NF1: variants seen among roughly 807,000 people sequenced by gnomAD.
NF1 encodes the protein neurofibromin.
In NF1, 122 loss-of-function variants were observed where a neutral mutation model predicts 325.7. The ratio of observed to expected loss-of-function variants is 0.37; its 90% CI spans 0.32 to 0.44. NF1 has a LOEUF of 0.44. Ranked by LOEUF, NF1 falls within the 20% of genes least tolerant of loss-of-function variation. NF1 has a pLI of 1.00. For missense variants in NF1, 2,140 were observed against 3,415.4 expected (o/e 0.63, Z 9.31); for synonymous variants, 1,091 against 1,186.0 (o/e 0.92, Z 1.65).
At chr17:31,309,071 C>T (rs920485203) in intron 36 of NF1, among the ~76,000 whole-genome samples, 53 of 152,292 alleles carry the variant, frequency 3.5e-4, no homozygotes, top group African/African-American at 1.2e-3. Flanking sequence ...CCCTTATTTA[C>T]AGATAAAGAG....
intron 1 of NF1, among the ~76,000 whole-genome samples, chr17:31,154,461 A>G (rs1253951611): frequency 6.6e-6 from 1 of 152,156 alleles, no homozygotes; most frequent in African/African-American, 2.4e-5. Flanking sequence ...CACAAAGAAT[A>G]GGAGATGTTT....
At chr17:31,149,546 A>G (rs1331556562) in intron 1 of NF1, among the ~76,000 whole-genome samples, 1 of 152,036 alleles carries the variant, frequency 6.6e-6, no homozygotes, top group African/African-American at 2.4e-5. Context: ...CTCAGCATAT[A>G]TTTTTGTATT....
intron 24 of NF1, among the ~76,000 whole-genome samples, chr17:31,231,518 TA>T (rs2067112236): frequency 1.3e-5 from 2 of 152,136 alleles, no homozygotes; most frequent in East Asian, 3.8e-4. Flanking sequence ...CCATGAACAC[TA>T]AAATCCACAG....
At chr17:31,257,177 C>T (rs17881383) in intron 31 of NF1, among the ~76,000 whole-genome samples, 1 of 151,992 alleles carries the variant, frequency 6.6e-6, no homozygotes, top group African/African-American at 2.4e-5. Context: ...AAAATAGCTA[C>T]GTGATATTCC....
At chr17:31,273,757 A>G (rs2067948996) in intron 36 of NF1, 1 of 152,230 alleles carries the variant, frequency 6.6e-6, no homozygotes, top group African/African-American at 2.4e-5. Flanking sequence ...ACAACTACAT[A>G]TAAACAGATA....
chr17:31,196,733 T>C (rs1324635563), intron 8 of NF1, among the ~76,000 whole-genome samples: 1 of 152,200 alleles, frequency 6.6e-6, no homozygotes, highest in African/African-American at 2.4e-5. Flanking sequence ...AAGAAAAGGG[T>C]CCATCTTCAT....
intron 1 of NF1, among the ~76,000 whole-genome samples, chr17:31,152,054 C>T (rs1597621192): frequency 1.3e-5 from 2 of 152,110 alleles, no homozygotes; most frequent in East Asian, 1.9e-4. Flanking sequence ...CACGACAGGC[C>T]CCGGTGTGTG....
chr17:31,098,420 A>C (rs1319385672), intron 1 of NF1, among the ~76,000 whole-genome samples: 1 of 151,882 alleles, frequency 6.6e-6, no homozygotes, highest in Admixed American at 6.6e-5. Flanking sequence ...GCTGGAGTGC[A>C]ATGATGCGAC....
chr17:31,314,891 A>AGTG (rs1411660626), intron 36 of NF1, among the ~76,000 whole-genome samples: 1 of 152,124 alleles, frequency 6.6e-6, no homozygotes, highest in Non-Finnish European at 1.5e-5. Flanking sequence ...TGTTCTCCAT[A>AGTG]GTGGTTTTAC....
chr17:31,248,855 T>A (rs1480019703), intron 29 of NF1, 129 bp from the exon 30 acceptor site: 1 of 854,926 alleles, frequency 1.2e-6, no homozygotes, highest in Non-Finnish European at 1.8e-6. Context: ...TAGTTGGTTG[T>A]TTAAAGATTC....
At chr17:31,293,196 A>G (rs2068383496) in intron 36 of NF1, among the ~76,000 whole-genome samples, 1 of 146,198 alleles carries the variant, frequency 6.8e-6, no homozygotes, top group Non-Finnish European at 1.5e-5. Flanking sequence ...AAAAAAAAAA[A>G]AAAAAAAAAA....
intron 36 of NF1, among the ~76,000 whole-genome samples, chr17:31,281,806 T>C (rs1173452216): frequency 6.6e-6 from 1 of 152,094 alleles, no homozygotes; most frequent in East Asian, 1.9e-4. Flanking sequence ...CTATAATCCC[T>C]GCACTTTGGG....
At chr17:31,170,114 A>T (rs180760601) in intron 5 of NF1, 117 bp downstream of exon 5, 1 of 696,512 alleles carries the variant, frequency 1.4e-6, no homozygotes, top group African/African-American at 1.8e-5. Flanking sequence ...TTTTATAATG[A>T]CATTTCCTTG....
At chr17:31,369,464 A>T (rs955503447) in intron 57 of NF1, among the ~76,000 whole-genome samples, 5 of 152,190 alleles carry the variant, frequency 3.3e-5, no homozygotes, top group Non-Finnish European at 7.3e-5. Flanking sequence ...AATTGGCTGC[A>T]TGTTTGACCA....
intron 48 of NF1, among the ~76,000 whole-genome samples, chr17:31,344,687 G>C (rs2069924233): frequency 6.6e-6 from 1 of 152,212 alleles, no homozygotes. Context: ...TAAGGTCAAT[G>C]GGGATTTCTC....
At chr17:31,224,689 G>T (rs929980501) in intron 16 of NF1, among the ~76,000 whole-genome samples, 1 of 152,064 alleles carries the variant, frequency 6.6e-6, no homozygotes, top group Non-Finnish European at 1.5e-5. Flanking sequence ...TTAATTACTG[G>T]TCCAGAAGAA....
At chr17:31,344,363 CCAGAGA>C (rs1422643698) in intron 48 of NF1, among the ~76,000 whole-genome samples, 1 of 152,094 alleles carries the variant, frequency 6.6e-6, no homozygotes, top group Non-Finnish European at 1.5e-5. Flanking sequence ...GCAGTCATGG[CCAGAGA>C]CTGCAGTTAA....
rs773108080 is a variant in NF1 at position 31,206,246 on chromosome 17, T to C, written c.1267T>C (p.Leu423=). Reference sequence around the variant, plus strand: ...GGTCTTTGTTTTTCTCTAGTCCGCATTGGATTGGTGGCCTAAGATTGATGC... The same window carrying C: ...GGTCTTTGTTTTTCTCTAGTCCGCACTGGATTGGTGGCCTAAGATTGATGC... ...SLHRIITNSA[L]DWWPKIDAVY... The change falls in exon 12 of 58, where the codon TTG becomes CTG. Residue 423 remains leucine (L), a synonymous_variant. Transcript: ENST00000358273. 6 of 1,613,712 alleles carry C rather than the reference T, an allele frequency of 3.7e-6. No homozygotes were observed. The highest frequency in any genetic ancestry group is 1.7e-5 in the Admixed American group (1 of 60,020).
intron 36 of NF1, among the ~76,000 whole-genome samples, chr17:31,289,386 T>C (rs2068303908): frequency 6.6e-6 from 1 of 152,210 alleles, no homozygotes; most frequent in South Asian, 2.1e-4. Flanking sequence ...TGGTACACAG[T>C]TCATCTTGTG....
Sources: allele counts gnomAD v4.1 joint callset (sites outside exome capture counted in the v4.1 genomes callset), GRCh38; gene constraint gnomAD v4.1.1; transcripts MANE v1.5; gene names NCBI Gene and HGNC (gene_info 2026-07-23, HGNC 2026-07-21).